Variants in BMP3 observed in about 807,000 individuals in gnomAD.
BMP3 encodes bone morphogenetic protein 3, also known as bone morphogenetic protein 3 (osteogenic).
Under a neutral mutation model 38.1 loss-of-function variants are expected in BMP3, and 23 were observed. The observed-to-expected ratio is 0.60, with a 90% CI of 0.43 to 0.86. BMP3 has a LOEUF of 0.86. Ranked by LOEUF, BMP3 falls within the 40% of genes least tolerant of loss-of-function variation. The pLI, the probability that BMP3 is intolerant of heterozygous loss-of-function variation, is 0.00. For synonymous variants in BMP3, 258 were observed against 225.7 expected (o/e 1.14, Z -1.28); for missense variants, 628 against 579.6 (o/e 1.08, Z -0.86).
intron 1 of BMP3, among the ~76,000 whole-genome samples, chr4:81,034,740 G>T (rs1182010880): frequency 2.0e-5 from 3 of 152,094 alleles, no homozygotes; most frequent in Non-Finnish European, 4.4e-5. Context: ...ATATTTTCCT[G>T]CAATGAGGAA....
chr4:81,040,265 A>G (rs528102655), intron 1 of BMP3, among the ~76,000 whole-genome samples: 40 of 152,326 alleles, frequency 2.6e-4, no homozygotes, highest in Middle Eastern at 3.4e-3. Flanking sequence ...ACATTTTGGC[A>G]TCAAAATATT....
At chr4:81,032,454 C>G (rs1739807177) in intron 1 of BMP3, among the ~76,000 whole-genome samples, 1 of 152,190 alleles carries the variant, frequency 6.6e-6, no homozygotes, top group Non-Finnish European at 1.5e-5. Flanking sequence ...ATAACTTATG[C>G]TAACAGCCTC....
At chr4:81,051,416 G>T (rs375219379) in intron 2 of BMP3, among the ~76,000 whole-genome samples, 1 of 152,028 alleles carries the variant, frequency 6.6e-6, no homozygotes, top group African/African-American at 2.4e-5. Flanking sequence ...AGCACCCAAG[G>T]TCTCATCTAA....
chr4:81,044,871 C>T (rs62304288), intron 1 of BMP3, among the ~76,000 whole-genome samples: 5,322 of 152,178 alleles, frequency 0.035, 129 homozygotes, highest in Middle Eastern at 0.13. Context: ...TCCATTCATC[C>T]ATTGGTAGTC....
intron 1 of BMP3, among the ~76,000 whole-genome samples, chr4:81,044,119 C>T (rs377432029): frequency 2.6e-5 from 4 of 152,062 alleles, no homozygotes; most frequent in African/African-American, 7.2e-5. Context: ...AGTGGCTGAG[C>T]GAGTACTCGA....
In BMP3 at chr4:81,031,216, C is replaced by A. The variant is rs907691757; in HGVS notation, c.-69C>A. The A allele has an allele frequency of 6.9e-7, 1 of 1,447,408 alleles. No homozygotes were observed. The highest frequency in any genetic ancestry group is 2.5e-5 in the East Asian group (1 of 39,978). 89.7% of individuals were successfully genotyped at this position (1,447,408 alleles called of 1,614,324 possible). A position where few individuals can be genotyped will look rare whatever the true frequency, so the allele number is the denominator to read the frequency against. Reference sequence around the variant, plus strand: ...GGAGTTCAACCCTCGGCTCCGCCGCCGGCTCCTTGCGCCTTCGGAGTGTCC... The same window carrying A: ...GGAGTTCAACCCTCGGCTCCGCCGCAGGCTCCTTGCGCCTTCGGAGTGTCC... On this transcript the variant is annotated 5_prime_UTR_variant, in exon 1 of 3. Transcript: ENST00000282701.
intron 1 of BMP3, among the ~76,000 whole-genome samples, chr4:81,041,796 T>C (rs10857206): frequency 0.91 from 139,129 of 152,250 alleles, 64,830 homozygotes; most frequent in East Asian, 1. Flanking sequence ...CCAAGATTTC[T>C]TTCTTCCTTC....
chr4:81,046,738 T>C, intron 2 of BMP3, 90 bp downstream of exon 2: 7 of 1,431,600 alleles, frequency 4.9e-6, no homozygotes, highest in Middle Eastern at 1.8e-4. Flanking sequence ...AGGGGGTTTG[T>C]GTAAGTGTTT....
intron 1 of BMP3, among the ~76,000 whole-genome samples, chr4:81,033,073 G>A (rs1739822014): frequency 6.6e-6 from 1 of 152,204 alleles, no homozygotes; most frequent in South Asian, 2.1e-4. Context: ...TGCAAGGATT[G>A]AAAGGAAGTT....
At chr4:81,039,244 A>C (rs1046640747) in intron 1 of BMP3, among the ~76,000 whole-genome samples, 3 of 152,216 alleles carry the variant, frequency 2.0e-5, no homozygotes, top group Non-Finnish European at 4.4e-5. Context: ...TGTTTGAAGA[A>C]AGAAGTTGGG....
At chr4:81,042,834 A>G (rs1256580094) in intron 1 of BMP3, among the ~76,000 whole-genome samples, 3 of 152,120 alleles carry the variant, frequency 2.0e-5, no homozygotes, top group Non-Finnish European at 4.4e-5. Flanking sequence ...TTAAACTTCT[A>G]GCTACTACAC....
chr4:81,034,607 C>T (rs937305916), intron 1 of BMP3, among the ~76,000 whole-genome samples: 1 of 152,062 alleles, frequency 6.6e-6, no homozygotes, highest in African/African-American at 2.4e-5. Context: ...AGGAAACTTT[C>T]ACTATTCATG....
chr4:81,050,312 T>C lies in BMP3; in HGVS notation c.1228-3033T>C, dbSNP rs140738418. Reference sequence around the variant, plus strand: ...ACAGACACGGCAGTTTGGATTTTTCTGATTTCTAGCCCTTACAGCCAATCT... The same window carrying C: ...ACAGACACGGCAGTTTGGATTTTTCCGATTTCTAGCCCTTACAGCCAATCT... On this transcript the variant is annotated intron_variant, in intron 2 of 2. Transcript: ENST00000282701. Among the ~76,000 whole-genome samples the C allele has an allele frequency of 2.8e-3, 420 of 152,336 alleles. 1 individual carries two copies. The highest frequency in any genetic ancestry group is 9.6e-3 in the African/African-American group (400 of 41,578).
chr4:81,046,872 T>C (rs1023043116), intron 2 of BMP3, among the ~76,000 whole-genome samples: 1 of 152,212 alleles, frequency 6.6e-6, no homozygotes, highest in Admixed American at 6.5e-5. Context: ...AGTATTGGTA[T>C]AAAGAAGGAT....
rs1447109246 is a variant in BMP3, at chr4:81,055,533, A to G, written c.*1997A>G. The G allele has an allele frequency of 1.3e-5, 2 of 152,212 alleles. No individual in the cohort carries two copies. The highest frequency in any genetic ancestry group is 6.5e-5 in the Admixed American group (1 of 15,268). 9.4% of individuals were successfully genotyped at this position (152,212 alleles called of 1,614,324 possible). A position where few individuals can be genotyped will look rare whatever the true frequency, so the allele number is the denominator to read the frequency against. On this transcript the variant is annotated 3_prime_UTR_variant, in exon 3 of 3. Transcript: ENST00000282701. ...TTCTCAAACATTTGAAAATAAAAGT[A>G]TATGATAGAAGGGGGCCAGAGTGTG...
chr4:81,035,024 T>G (rs1007845636), intron 1 of BMP3, among the ~76,000 whole-genome samples: 1 of 152,040 alleles, frequency 6.6e-6, no homozygotes, highest in African/African-American at 2.4e-5. Flanking sequence ...AGGCTTGAAA[T>G]TTAAAAGTAC....
intron 2 of BMP3, among the ~76,000 whole-genome samples, chr4:81,051,925 TG>T (rs1448022930): frequency 6.6e-6 from 1 of 152,170 alleles, no homozygotes; most frequent in African/African-American, 2.4e-5. Flanking sequence ...TGAAGTCTGA[TG>T]TATGGATTTT....
At chr4:81,052,207 G>A (rs1377824705) in intron 2 of BMP3, among the ~76,000 whole-genome samples, 2 of 151,916 alleles carry the variant, frequency 1.3e-5, no homozygotes, top group African/African-American at 2.4e-5. Flanking sequence ...CGAAAGTTTT[G>A]GTCAAAGTCC....
At chr4:81,032,430 C>G (rs1240655532) in intron 1 of BMP3, among the ~76,000 whole-genome samples, 1 of 152,158 alleles carries the variant, frequency 6.6e-6, no homozygotes, top group Non-Finnish European at 1.5e-5. Flanking sequence ...CTCCTAGCCC[C>G]TGTGGTGAAG....
Sources: gnomAD v4.1 joint callset for allele counts (sites outside exome capture counted in the v4.1 genomes callset) on GRCh38, gnomAD v4.1.1 for gene constraint, MANE v1.5 for transcripts, NCBI Gene and HGNC (gene_info 2026-07-23, HGNC 2026-07-21) for gene names.